Variants in SNRPD2 observed in about 807,000 individuals in gnomAD.
SNRPD2 encodes the protein small nuclear ribonucleoprotein D2 polypeptide.
Under a neutral mutation model 11.5 loss-of-function variants are expected in SNRPD2, and 1 was observed. The ratio of observed to expected loss-of-function variants is 0.09; its 90% confidence interval spans 0.03 to 0.41. The LOEUF is 0.41. SNRPD2 is among the 10% of genes least tolerant of loss of function. SNRPD2 has a pLI of 0.98. For synonymous variants in SNRPD2, 63 were observed against 61.5 expected (o/e 1.02, Z -0.12); for missense variants, 77 against 154.9 (o/e 0.50, Z 2.67).
Position 45,688,382 on chromosome 19 carries a change from C to T in SNRPD2, c.182+5G>A, listed in dbSNP as rs1488807721. On this transcript the variant is annotated splice_donor_5th_base_variant and intron_variant, in intron 2 of 2. Transcript: ENST00000342669. This position sits in a 1 kb window ranked among gnomAD's most constrained non-coding sequence, Gnocchi z 4.1. ...GGAGAACACCTCCCAGGACCCAGCA[C>T]TCACCTATCGAAGGCCTTCACGCGG... 6.2e-7 allele frequency: 1 copy of T among 1,613,806 alleles called. No individual in the cohort carries two copies. Among genetic ancestry groups the T allele is most frequent in the Non-Finnish European group, 8.5e-7 (1 of 1,179,788 alleles).
chr19:45,691,680 A>G (rs1967560038), intron 1 of SNRPD2: 2 of 676,476 alleles, frequency 3.0e-6, no homozygotes, highest in Admixed American at 2.2e-5. Flanking sequence ...CCAGGGCGTT[A>G]TCTGATAAAG....
chr19:45,689,347 C>G, intron 1 of SNRPD2: 5 of 511,578 alleles, frequency 9.8e-6, no homozygotes, highest in South Asian at 5.7e-5. Context: ...TGTGCTAAAA[C>G]CTAAATCATA....
In SNRPD2 at chr19:45,691,912, ACT is replaced by A; in HGVS notation, c.-26_-25del. 1 of 1,613,768 alleles carries A rather than the reference ACT, an allele frequency of 6.2e-7. No homozygotes were observed. The highest frequency in any genetic ancestry group is 8.5e-7 in the Non-Finnish European group (1 of 1,179,928). On this transcript the variant is annotated 5_prime_UTR_variant, in exon 1 of 3. Coordinates refer to ENST00000342669, the MANE Select transcript of SNRPD2 (RefSeq NM_001384647.1). ...ATGATGGTCACTACGCTCTCCGTTC[ACT>A]CCCGTTTCCTCCGCGTTGCTGCTGC...
At chr19:45,690,943 C>T (rs1487912271) in intron 1 of SNRPD2, among the ~76,000 whole-genome samples, 3 of 152,030 alleles carry the variant, frequency 2.0e-5, no homozygotes, top group Non-Finnish European at 2.9e-5. Context: ...GATACATAAG[C>T]ATTCAATGTA....
chr19:45,688,280 G>T lies in SNRPD2; in HGVS notation c.182+107C>A. ...TTACAGGCATGAGCCACCACGCCTG[G>T]CCATACACCCCAGGCTTCTGAGACA... On this transcript the variant is annotated intron_variant, in intron 2 of 2. Transcript: ENST00000342669. This position sits in a 1 kb window ranked among gnomAD's most constrained non-coding sequence, Gnocchi z 4.1. 1.0e-6 allele frequency: 1 copy of T among 961,354 alleles called. No individual in the cohort carries two copies. Among genetic ancestry groups the T allele is most frequent in the South Asian group, 1.6e-5 (1 of 63,744 alleles). The allele number at this position is 961,354 out of a possible 1,614,324, so 59.6% of individuals were successfully genotyped here. A position where few individuals can be genotyped will look rare whatever the true frequency, so the allele number is the denominator to read the frequency against.
chr19:45,688,678 A>G lies in SNRPD2; in HGVS notation c.3-112T>C. ...TTCAGTGTCTCCCCAACCTTGTCCCACCACATCTGTCCTCCTGTTCAGCCT... is the reference window on the plus strand; with the variant it reads ...TTCAGTGTCTCCCCAACCTTGTCCCGCCACATCTGTCCTCCTGTTCAGCCT... On this transcript the variant is annotated intron_variant, in intron 1 of 2. Coordinates refer to ENST00000342669, the MANE Select transcript of SNRPD2 (RefSeq NM_001384647.1). This position sits in a 1 kb window ranked among gnomAD's most constrained non-coding sequence, Gnocchi z 4.1. 4.0e-6 allele frequency: 3 copies of G among 757,816 alleles called. No homozygotes were observed. The Admixed American group carries it at 6.4e-5, about 16-fold the overall frequency. 46.9% of individuals were successfully genotyped at this position (757,816 alleles called of 1,614,324 possible). A position where few individuals can be genotyped will look rare whatever the true frequency, so the allele number is the denominator to read the frequency against.
chr19:45,690,107 G>A (rs1255016790), intron 1 of SNRPD2, among the ~76,000 whole-genome samples: 5 of 151,434 alleles, frequency 3.3e-5, no homozygotes, highest in South Asian at 2.1e-4. Context: ...CGAGGCGGGC[G>A]GATCACGAGG....
chr19:45,691,735 C>G (rs1163181098), intron 1 of SNRPD2, 152 bp downstream of exon 1: 8 of 956,586 alleles, frequency 8.4e-6, no homozygotes, highest in Admixed American at 1.8e-5. Flanking sequence ...GCCCCACGCC[C>G]GTTCTCAAAC....
intron 1 of SNRPD2, chr19:45,690,754 C>T (rs954675900): frequency 1.3e-5 from 2 of 150,964 alleles, no homozygotes; most frequent in African/African-American, 4.9e-5. Flanking sequence ...ATCGCTTCAA[C>T]TCAGGCGGCG....
Position 45,687,477 on chromosome 19 carries a change from C to T in SNRPD2, c.*76G>A. 1 of 1,383,474 alleles carries T rather than the reference C, an allele frequency of 7.2e-7. No homozygotes were observed. 85.7% of individuals were successfully genotyped at this position (1,383,474 alleles called of 1,614,324 possible). ...GATACCACTAGAAAAAAACACAGAG[C>T]TTTATTATTCTCAACACCAATGGCA... On this transcript the variant is annotated 3_prime_UTR_variant, in exon 3 of 3. Coordinates refer to ENST00000342669, the MANE Select transcript of SNRPD2 (RefSeq NM_001384647.1). This position sits in a 1 kb window ranked among gnomAD's most constrained non-coding sequence, Gnocchi z 4.1.
rs756391965 is a variant in SNRPD2, at chr19:45,687,745, G to A, written c.183-18C>T. ...TGCAGTGCCTGGTGGGGAACAGGGAGGGGAGGCACTGGGCGTGAGGGGCGT... is the reference window on the plus strand; with the variant it reads ...TGCAGTGCCTGGTGGGGAACAGGGAAGGGAGGCACTGGGCGTGAGGGGCGT... On this transcript the variant is annotated intron_variant, in intron 2 of 2. Coordinates refer to ENST00000342669, the MANE Select transcript of SNRPD2 (RefSeq NM_001384647.1). The surrounding 1 kb of genome is among the most constrained non-coding windows in gnomAD (Gnocchi z 4.1). 1.2e-6 allele frequency: 2 copies of A among 1,609,988 alleles called. No individual in the cohort carries two copies. Among genetic ancestry groups the A allele is most frequent in the East Asian group, 2.2e-5 (1 of 44,872 alleles).
At chr19:45,689,100 C>A in intron 1 of SNRPD2, 1 of 439,930 alleles carries the variant, frequency 2.3e-6, no homozygotes. Flanking sequence ...CCTACCCTAT[C>A]TACAGCGTTC....
At position 45,688,755 on chromosome 19, in the gene SNRPD2, C is replaced by A. The variant is rs117893389; in HGVS notation, c.3-189G>T. Among the ~76,000 whole-genome samples the A allele has an allele frequency of 6.6e-6, 1 of 150,482 alleles. No individual in the cohort carries two copies. The highest frequency in any genetic ancestry group is 1.5e-5 in the Non-Finnish European group (1 of 67,694). On this transcript the variant is annotated intron_variant, in intron 1 of 2. Transcript: ENST00000342669. The surrounding 1 kb of genome is among the most constrained non-coding windows in gnomAD (Gnocchi z 4.1). ...ACAGACATTTTTTTTTTTTTTGAGA[C>A]GGAGTCTTGATCTGTTGCCCAGGCT... is the stretch of plus-strand genomic sequence containing the variant.
Position 45,687,547 on chromosome 19 carries a change from C to T in SNRPD2, c.*6G>A, listed in dbSNP as rs1457801094. On this transcript the variant is annotated 3_prime_UTR_variant, in exon 3 of 3. Transcript: ENST00000342669. The surrounding 1 kb of genome is among the most constrained non-coding windows in gnomAD (Gnocchi z 4.1). ...GGAGTGAGTTCTGTCAACAGACAGG[C>T]GGCCCCTACTTGCCGGCGATGAGCG... is the stretch of plus-strand genomic sequence containing the variant. 5.6e-6 allele frequency: 9 copies of T among 1,613,218 alleles called. No homozygotes were observed. Among genetic ancestry groups the T allele is most frequent in the Non-Finnish European group, 7.6e-6 (9 of 1,179,236 alleles).
chr19:45,691,223 C>A (rs572975559), intron 1 of SNRPD2, among the ~76,000 whole-genome samples: 5 of 152,036 alleles, frequency 3.3e-5, no homozygotes, highest in Non-Finnish European at 7.4e-5. Context: ...CTCCGCCTCC[C>A]GGGTTCAAGC....
chr19:45,692,029 G>A (rs1028636883), upstream of SNRPD2: 11 of 1,596,298 alleles, frequency 6.9e-6, no homozygotes, highest in East Asian at 1.8e-4. Flanking sequence ...GGCGTGGCCT[G>A]TTGCCACAGC....
rs770332535 is a variant in SNRPD2, at chr19:45,691,900, C to A, written c.-12G>T. 2.5e-6 allele frequency: 4 copies of A among 1,614,152 alleles called. No individual in the cohort carries two copies. The South Asian group carries it at 3.3e-5, about 13-fold the overall frequency. ...GCCCGGCCTCACATGATGGTCACTA[C>A]GCTCTCCGTTCACTCCCGTTTCCTC... is the stretch of plus-strand genomic sequence containing the variant. On this transcript the variant is annotated 5_prime_UTR_variant, in exon 1 of 3. Transcript: ENST00000342669.
chr19:45,689,274 G>A (rs774836332), intron 1 of SNRPD2: 1 of 520,074 alleles, frequency 1.9e-6, no homozygotes, highest in Non-Finnish European at 3.8e-6. Flanking sequence ...GAATCTTTCT[G>A]GTCTCTCTGC....
chr19:45,691,934 T>G lies in SNRPD2; in HGVS notation c.-46A>C, dbSNP rs773733371. 1 of 1,614,102 alleles carries G rather than the reference T, an allele frequency of 6.2e-7. No individual in the cohort carries two copies. The highest frequency in any genetic ancestry group is 8.5e-7 in the Non-Finnish European group (1 of 1,179,958). On this transcript the variant is annotated 5_prime_UTR_variant, in exon 1 of 3. Coordinates refer to ENST00000342669, the MANE Select transcript of SNRPD2 (RefSeq NM_001384647.1). ...TTCACTCCCGTTTCCTCCGCGTTGC[T>G]GCTGCCTGAGGAGAGAGAGGCGGGA...
Sources: gnomAD v4.1 joint callset for allele counts (sites outside exome capture counted in the v4.1 genomes callset) on GRCh38, gnomAD v4.1.1 for gene constraint, Gnocchi (gnomAD v3.1) non-coding constraint, MANE v1.5 for transcripts, NCBI Gene and HGNC (gene_info 2026-07-23, HGNC 2026-07-21) for gene names.